L3MBTL3: variants seen among roughly 807,000 people sequenced by gnomAD.
L3MBTL3 encodes the protein L3MBTL histone methyl-lysine binding protein 3.
A neutral mutation model predicts 102.3 loss-of-function variants in L3MBTL3; 27 were observed. That is an observed-to-expected ratio of 0.26 (90% CI 0.19 to 0.36). L3MBTL3 has a LOEUF of 0.36. L3MBTL3 is among the 10% of genes least tolerant of loss of function. The probability of loss-of-function intolerance (pLI) is 1.00; values close to 1 mark genes in which losing one functional copy is unlikely to be tolerated. For synonymous variants in L3MBTL3, 340 were observed against 320.9 expected, an observed-to-expected ratio of 1.06 and a Z score of -0.64; for missense variants, 798 against 955.3, an observed-to-expected ratio of 0.84 and a Z score of 2.17.
At chr6:130,041,444 C>T (rs1780414929) in intron 2 of L3MBTL3, among the ~76,000 whole-genome samples, 1 of 152,188 alleles carries the variant, frequency 6.6e-6, no homozygotes, top group African/African-American at 2.4e-5. Flanking sequence ...GATATGGTTA[C>T]TCTAACATAC....
At chr6:130,085,145 ATACC>A (rs1447197496) in intron 15 of L3MBTL3, among the ~76,000 whole-genome samples, 1 of 152,068 alleles carries the variant, frequency 6.6e-6, no homozygotes, top group African/African-American at 2.4e-5. Context: ...CACTTTTCTT[ATACC>A]CATTTTACAG....
At chr6:130,085,291 G>A (rs1410339551) in intron 15 of L3MBTL3, among the ~76,000 whole-genome samples, 2 of 152,130 alleles carry the variant, frequency 1.3e-5, no homozygotes, top group African/African-American at 2.4e-5. Flanking sequence ...GTAGGTAGCT[G>A]TTGATTCCCC....
intron 13 of L3MBTL3, among the ~76,000 whole-genome samples, chr6:130,076,693 A>G (rs368062165): frequency 2.6e-5 from 4 of 152,100 alleles, no homozygotes; most frequent in African/African-American, 9.7e-5. Flanking sequence ...ATTTCTTTTC[A>G]GTTACGTTTC....
chr6:130,038,047 T>G (rs1780171442), intron 2 of L3MBTL3, among the ~76,000 whole-genome samples: 1 of 152,096 alleles, frequency 6.6e-6, no homozygotes, highest in African/African-American at 2.4e-5. Context: ...TGAGCCTACC[T>G]TCTTTTACTT....
Position 130,035,083 on chromosome 6 carries a change from G to A in L3MBTL3, c.-15-7602G>A, listed in dbSNP as rs114185426. ...GCATTAATAACAAATATTTTCATGG[G>A]AAGACATGCCTTTTGTAATATACAC... On this transcript the variant is annotated intron_variant, in intron 2 of 22. Coordinates refer to ENST00000361794, the MANE Select transcript of L3MBTL3 (RefSeq NM_032438.4). 4.2e-3 allele frequency among the ~76,000 whole-genome samples: 635 copies of A among 152,196 alleles called. 4 individuals are homozygous for A. The highest frequency in any genetic ancestry group is 0.015 in the African/African-American group (606 of 41,514).
intron 14 of L3MBTL3, among the ~76,000 whole-genome samples, chr6:130,082,580 T>C (rs1300770995): frequency 2.0e-5 from 3 of 152,178 alleles, no homozygotes; most frequent in Non-Finnish European, 4.4e-5. Context: ...GTTCTTATCA[T>C]TTTTTGAGAA....
At chr6:130,085,873 C>T (rs940788259) in intron 15 of L3MBTL3, among the ~76,000 whole-genome samples, 8 of 152,054 alleles carry the variant, frequency 5.3e-5, no homozygotes, top group African/African-American at 1.9e-4. Flanking sequence ...GTGCCTCAGC[C>T]TCCCGAGTAG....
rs1237884124 is a variant in L3MBTL3, at chr6:130,083,702, A to T, written c.1404A>T (p.Lys468Asn). ...TACCTGCTCCTGCAAGAGCTTTCAA[A>T]GTGGTAAGATGATACATTTTATTAA... ...NSLPAPARAF[K>N]VKPPHGFQKK... Residue 468 changes from lysine to asparagine, a missense_variant, in exon 15 of 23, where the codon AAA (lysine) becomes AAT (asparagine). By Grantham distance (94) the Lys-to-Asn change is moderately conservative (BLOSUM62 0). Around this residue, in one of 4 missense-constraint regions of L3MBTL3, gnomAD observed 306 missense variants for 314.4 expected, o/e 0.97. Coordinates refer to ENST00000361794, the MANE Select transcript of L3MBTL3 (RefSeq NM_032438.4). The T allele has an allele frequency of 6.7e-7, 1 of 1,493,392 alleles. No individual in the cohort carries two copies. Among genetic ancestry groups the T allele is most frequent in the South Asian group, 1.2e-5 (1 of 82,586 alleles). 92.5% of individuals were successfully genotyped at this position (1,493,392 alleles called of 1,614,324 possible). A position where few individuals can be genotyped will look rare whatever the true frequency, so the allele number is the denominator to read the frequency against.
intron 2 of L3MBTL3, among the ~76,000 whole-genome samples, chr6:130,033,142 A>G (rs531444046): frequency 1.3e-5 from 2 of 152,208 alleles, no homozygotes; most frequent in African/African-American, 2.4e-5. Context: ...GAGTAGGGCA[A>G]ATCTTGAGGA....
intron 16 of L3MBTL3, among the ~76,000 whole-genome samples, chr6:130,091,570 A>G (rs1251808634): frequency 2.0e-5 from 3 of 152,106 alleles, no homozygotes; most frequent in Non-Finnish European, 2.9e-5. Context: ...AATAAGACAT[A>G]TCTTTTCACA....
Position 130,023,723 on chromosome 6 carries a change from A to G in L3MBTL3, c.-16+1418A>G, listed in dbSNP as rs1246861165. Reference sequence around the variant, plus strand: ...AGAGTTATTCAGATGTATAGTGGTCATATCATTTTACCTTCGTCCAGCTTT... The same window carrying G: ...AGAGTTATTCAGATGTATAGTGGTCGTATCATTTTACCTTCGTCCAGCTTT... On this transcript the variant is annotated intron_variant, in intron 2 of 22. Coordinates refer to ENST00000361794, the MANE Select transcript of L3MBTL3 (RefSeq NM_032438.4). Among the ~76,000 whole-genome samples, 6 of 152,206 alleles carry G rather than the reference A, an allele frequency of 3.9e-5. No individual in the cohort carries two copies. In the East Asian group the frequency reaches 1.2e-3, roughly 29 times the overall value.
chr6:130,034,363 T>C (rs1245925875), intron 2 of L3MBTL3, among the ~76,000 whole-genome samples: 1 of 152,224 alleles, frequency 6.6e-6, no homozygotes, highest in African/African-American at 2.4e-5. Context: ...ATTGGAAAAT[T>C]TAAATGATCT....
intron 7 of L3MBTL3, among the ~76,000 whole-genome samples, chr6:130,054,897 C>T (rs1038134790): frequency 5.9e-5 from 9 of 152,274 alleles, no homozygotes; most frequent in Non-Finnish European, 1.0e-4. Context: ...CAGAGCAGAG[C>T]GGTCACGCAG....
chr6:130,046,976 T>G (rs1342247015), intron 3 of L3MBTL3, among the ~76,000 whole-genome samples: 1 of 152,228 alleles, frequency 6.6e-6, no homozygotes, highest in African/African-American at 2.4e-5. Context: ...GAAGACACAG[T>G]AAGCCCAAAT....
At chr6:130,128,631 A>G (rs1417904190) in intron 20 of L3MBTL3, among the ~76,000 whole-genome samples, 1 of 152,192 alleles carries the variant, frequency 6.6e-6, no homozygotes, top group Admixed American at 6.5e-5. Context: ...GTACAGTTAC[A>G]TACGTACCAG....
At chr6:130,068,290 G>A (rs759181398) in intron 11 of L3MBTL3, 40 bp from the exon 12 acceptor site, 2 of 1,060,522 alleles carry the variant, frequency 1.9e-6, no homozygotes, top group South Asian at 1.3e-5. Context: ...GTAAAATATT[G>A]TGGTATTTGA....
At chr6:130,067,830 G>GT (rs1169850058) in intron 11 of L3MBTL3, among the ~76,000 whole-genome samples, 8 of 152,272 alleles carry the variant, frequency 5.3e-5, no homozygotes, top group Admixed American at 5.2e-4. Flanking sequence ...TTCCCTTATT[G>GT]TAATTTGCCA....
chr6:130,113,163 G>T (rs1297743904), intron 19 of L3MBTL3, among the ~76,000 whole-genome samples: 3 of 152,174 alleles, frequency 2.0e-5, no homozygotes, highest in Admixed American at 6.5e-5. Flanking sequence ...AGAATCATTT[G>T]AGATGCTTGT....
In L3MBTL3 at chr6:130,139,727, GAGA is replaced by G. The variant is rs764384932; in HGVS notation, c.2322_2324del (p.Lys774del). 3.1e-6 allele frequency: 5 copies of G among 1,613,230 alleles called. No homozygotes were observed. Among genetic ancestry groups the G allele is most frequent in the Non-Finnish European group, 4.2e-6 (5 of 1,179,688 alleles). On this transcript the variant is annotated inframe_deletion, in exon 23 of 23. Transcript: ENST00000361794. The stretch of plus-strand genomic sequence containing the variant: ...TTCCATCCTGATGTTCAAAGCTGCA[GAGA>G]AGAATTCTCACAATGAACTTTGAAG...
Sources: gnomAD v4.1 joint callset for allele counts (sites outside exome capture counted in the v4.1 genomes callset) on GRCh38, gnomAD v4.1.1 for gene constraint, gnomAD v4.1.1 regional missense constraint, MANE v1.5 for transcripts, NCBI Gene and HGNC (gene_info 2026-07-23, HGNC 2026-07-21) for gene names.